Variants in TMEM135 observed in about 807,000 individuals in gnomAD.
TMEM135 encodes the protein transmembrane protein 135, also known as peroxisomal membrane protein 52.
TMEM135 carries 30 observed loss-of-function variants against 60.3 expected under a neutral mutation model. That is an observed-to-expected ratio of 0.50 (90% CI 0.37 to 0.68). The LOEUF (loss-of-function observed/expected upper bound fraction) is 0.68, where lower values mean the gene tolerates loss of function less well. TMEM135 is among the 30% of genes least tolerant of loss of function. The pLI is 0.00. For synonymous variants in TMEM135, 190 were observed against 186.7 expected, an observed-to-expected ratio of 1.02 and a Z score of -0.14; for missense variants, 468 against 548.8, an observed-to-expected ratio of 0.85 and a Z score of 1.47.
chr11:87,292,781 T>C (rs571230007), intron 6 of TMEM135, among the ~76,000 whole-genome samples: 15 of 152,354 alleles, frequency 9.8e-5, no homozygotes, highest in African/African-American at 3.6e-4. Context: ...GCTAAGACTT[T>C]ATCAATATGA....
chr11:87,150,706 A>G (rs936526554), intron 4 of TMEM135, among the ~76,000 whole-genome samples: 1 of 152,092 alleles, frequency 6.6e-6, no homozygotes, highest in Admixed American at 6.5e-5. Context: ...ATTCCTTTCA[A>G]TATTTTCAAG....
chr11:87,154,589 A>G (rs796133110), intron 4 of TMEM135, among the ~76,000 whole-genome samples: 8 of 152,280 alleles, frequency 5.3e-5, no homozygotes, highest in African/African-American at 1.7e-4. Context: ...TTTCATTCCT[A>G]TCAGCAGTGT....
intron 5 of TMEM135, among the ~76,000 whole-genome samples, chr11:87,202,003 ATGTTATGTAATGTT>A (rs1940108353): frequency 3.6e-5 from 2 of 55,058 alleles, no homozygotes; most frequent in East Asian, 1.1e-3. Context: ...ATGTTATGTT[ATGTTATGTAATGTT>A]ATGTTATGTT....
At chr11:87,272,669 C>T (rs1436093283) in intron 6 of TMEM135, among the ~76,000 whole-genome samples, 1 of 151,996 alleles carries the variant, frequency 6.6e-6, no homozygotes, top group African/African-American at 2.4e-5. Flanking sequence ...TGCTCTGTTG[C>T]TGGGCTGGTC....
chr11:87,304,965 T>C (rs1437199883), intron 8 of TMEM135, among the ~76,000 whole-genome samples: 1 of 152,228 alleles, frequency 6.6e-6, no homozygotes, highest in Non-Finnish European at 1.5e-5. Flanking sequence ...GAGTGCATCC[T>C]GAACAGTAGT....
chr11:87,038,609 CTTTTTTTTTT>C (rs3045930), intron 1 of TMEM135, among the ~76,000 whole-genome samples: 1 of 113,932 alleles, frequency 8.8e-6, no homozygotes, highest in Non-Finnish European at 1.8e-5. Context: ...TTTTATTTTG[CTTTTTTTTTT>C]TTTTTTTTTT....
chr11:87,253,815 A>T (rs902321469), intron 6 of TMEM135, among the ~76,000 whole-genome samples: 1 of 151,660 alleles, frequency 6.6e-6, no homozygotes, highest in Non-Finnish European at 1.5e-5. Flanking sequence ...TTTAATAGTA[A>T]CAATCGTTGT....
intron 4 of TMEM135, among the ~76,000 whole-genome samples, chr11:87,105,143 T>A (rs1289393872): frequency 6.6e-6 from 1 of 152,190 alleles, no homozygotes; most frequent in Non-Finnish European, 1.5e-5. Context: ...GAATTTTGTC[T>A]GCATCTCTTG....
At chr11:87,157,523 T>G in intron 5 of TMEM135, 117 bp downstream of exon 5, 1 of 868,278 alleles carries the variant, frequency 1.2e-6, no homozygotes, top group Non-Finnish European at 1.9e-6. Flanking sequence ...ATATCTGATG[T>G]ATATAATATT....
chr11:87,058,144 G>T (rs1949911314), intron 1 of TMEM135, among the ~76,000 whole-genome samples: 1 of 152,128 alleles, frequency 6.6e-6, no homozygotes, highest in Non-Finnish European at 1.5e-5. Context: ...CATTAGGAAG[G>T]ACAATCTTTT....
At chr11:87,190,001 T>A (rs761600179) in intron 5 of TMEM135, among the ~76,000 whole-genome samples, 1 of 152,122 alleles carries the variant, frequency 6.6e-6, no homozygotes, top group Non-Finnish European at 1.5e-5. Flanking sequence ...GACAGAACAG[T>A]AGATACAAAA....
chr11:87,299,382 C>T (rs985837328), intron 7 of TMEM135, among the ~76,000 whole-genome samples: 1 of 152,154 alleles, frequency 6.6e-6, no homozygotes, highest in Non-Finnish European at 1.5e-5. Flanking sequence ...ACCATTAGCT[C>T]TCCTGAGAAC....
chr11:87,066,779 C>CTTTTTTTTTTTTTTTTTTTTTTT lies in TMEM135; in HGVS notation c.142-912_142-911insTTTTTTTTTTTTTTTTTTTTTTT, dbSNP rs201355341. ...TACATACTTGTGTTGTTACTAGATT[C>CTTTTTTTTTTTTTTTTTTTTTTT]TTTCTTTTTTTTTTTTTTTTGAGAC... On this transcript the variant is annotated intron_variant, in intron 1 of 14. Coordinates refer to ENST00000305494, the MANE Select transcript of TMEM135 (RefSeq NM_022918.4). 1.5e-5 allele frequency among the ~76,000 whole-genome samples: 2 copies of CTTTTTTTTTTTTTTTTTTTTTTT among 129,178 alleles called. 1 individual carries two copies. 84.7% of individuals were successfully genotyped at this position (129,178 alleles called of 152,430 possible). A position where few individuals can be genotyped will look rare whatever the true frequency, so the allele number is the denominator to read the frequency against.
At chr11:87,256,494 A>G (rs1263534513) in intron 6 of TMEM135, among the ~76,000 whole-genome samples, 1 of 152,180 alleles carries the variant, frequency 6.6e-6, no homozygotes, top group African/African-American at 2.4e-5. Context: ...ATTCCTCAAA[A>G]TATTTTTTAA....
intron 6 of TMEM135, among the ~76,000 whole-genome samples, chr11:87,261,373 A>G (rs1941648746): frequency 6.6e-6 from 1 of 152,222 alleles, no homozygotes; most frequent in Non-Finnish European, 1.5e-5. Context: ...TTAATTATTT[A>G]GTAGATGAAT....
chr11:87,044,140 A>G (rs1420639994), intron 1 of TMEM135, among the ~76,000 whole-genome samples: 3 of 152,124 alleles, frequency 2.0e-5, no homozygotes. Flanking sequence ...AATCCAACAA[A>G]TCTGTTAGAT....
intron 4 of TMEM135, among the ~76,000 whole-genome samples, chr11:87,131,860 C>T (rs1182376263): frequency 6.6e-6 from 1 of 152,112 alleles, no homozygotes; most frequent in Non-Finnish European, 1.5e-5. Flanking sequence ...CAACCTCTCC[C>T]CATCGCTTGC....
chr11:87,252,579 C>G (rs1349640522), intron 6 of TMEM135, among the ~76,000 whole-genome samples: 4 of 151,768 alleles, frequency 2.6e-5, no homozygotes, highest in Admixed American at 6.6e-5. Context: ...TTGAGACCAG[C>G]CTGACCAACA....
chr11:87,088,767 T>C (rs116883220), intron 3 of TMEM135, among the ~76,000 whole-genome samples: 1 of 152,278 alleles, frequency 6.6e-6, no homozygotes, highest in East Asian at 1.9e-4. Context: ...TAGCTGATTA[T>C]AAACCATTTT....
Sources: allele counts gnomAD v4.1 joint callset (sites outside exome capture counted in the v4.1 genomes callset), GRCh38; gene constraint gnomAD v4.1.1; transcripts MANE v1.5; gene names NCBI Gene and HGNC (gene_info 2026-07-23, HGNC 2026-07-21).